The following MAML2 variants were observed in gnomAD, a reference collection of about 807,000 sequenced individuals.
MAML2 encodes mastermind-like protein 2.
MAML2 carries 22 observed loss-of-function variants against 96.1 expected under a neutral mutation model. The observed-to-expected ratio is 0.23, with a 90% confidence interval of 0.16 to 0.33. MAML2 has a LOEUF of 0.33. Among genes scored for constraint, MAML2 ranks in the 10% least tolerant of loss-of-function variants. MAML2 has a pLI of 1.00. For missense variants in MAML2, 1,367 were observed against 1,392.4 expected (o/e 0.98, Z 0.29); for synonymous variants, 561 against 521.3 (o/e 1.08, Z -1.04).
At chr11:96,010,908 AG>A (rs900680076) in intron 2 of MAML2, among the ~76,000 whole-genome samples, 5 of 152,344 alleles carry the variant, frequency 3.3e-5, no homozygotes, top group South Asian at 2.1e-4. Flanking sequence ...GAGTTTTATA[AG>A]GTCACTTTAA....
intron 1 of MAML2, among the ~76,000 whole-genome samples, chr11:96,243,655 CTTTTTT>C (rs11394033): frequency 7.4e-6 from 1 of 135,692 alleles, no homozygotes; most frequent in East Asian, 2.2e-4. Flanking sequence ...CCTTCTTTTT[CTTTTTT>C]TTTTTTTTTT....
intron 1 of MAML2, among the ~76,000 whole-genome samples, chr11:96,117,881 A>G (rs185417735): frequency 6.6e-6 from 1 of 152,306 alleles, no homozygotes; most frequent in Non-Finnish European, 1.5e-5. Flanking sequence ...GGTGACTCCA[A>G]ACTATCCCAG....
intron 1 of MAML2, among the ~76,000 whole-genome samples, chr11:96,117,886 T>A (rs934343772): frequency 6.6e-6 from 1 of 152,192 alleles, no homozygotes; most frequent in Non-Finnish European, 1.5e-5. Context: ...CTCCAAACTA[T>A]CCCAGAAAGA....
intron 2 of MAML2, among the ~76,000 whole-genome samples, chr11:96,061,148 G>T (rs1245423212): frequency 6.6e-6 from 1 of 152,212 alleles, no homozygotes; most frequent in South Asian, 2.1e-4. Flanking sequence ...TCTCCTTAAG[G>T]AACTTCTCTG....
intron 1 of MAML2, among the ~76,000 whole-genome samples, chr11:96,311,560 T>C (rs1037619447): frequency 2.6e-5 from 4 of 152,334 alleles, no homozygotes; most frequent in African/African-American, 9.6e-5. Context: ...TTCTCATAGC[T>C]GAGGCCAGCA....
At chr11:96,230,301 TTA>T (rs1486475712) in intron 1 of MAML2, among the ~76,000 whole-genome samples, 10 of 152,246 alleles carry the variant, frequency 6.6e-5, no homozygotes, top group East Asian at 1.9e-4. Flanking sequence ...TTTCAAAGAT[TTA>T]TATGTTTTGC....
At chr11:96,126,547 G>GC (rs1176877968) in intron 1 of MAML2, among the ~76,000 whole-genome samples, 1 of 152,174 alleles carries the variant, frequency 6.6e-6, no homozygotes, top group African/African-American at 2.4e-5. Flanking sequence ...GGGCAACAGA[G>GC]CGAGACTCCA....
At chr11:96,176,775 T>G (rs1861393931) in intron 1 of MAML2, among the ~76,000 whole-genome samples, 1 of 152,156 alleles carries the variant, frequency 6.6e-6, no homozygotes, top group South Asian at 2.1e-4. Context: ...GAGGGCTGGA[T>G]GAATGTCAGG....
At chr11:96,147,327 T>G (rs1366338317) in intron 1 of MAML2, among the ~76,000 whole-genome samples, 2 of 152,230 alleles carry the variant, frequency 1.3e-5, no homozygotes, top group African/African-American at 4.8e-5. Context: ...GACTGTAATA[T>G]GGATACATAA....
chr11:96,322,407 G>T (rs1863715738), intron 1 of MAML2, among the ~76,000 whole-genome samples: 1 of 152,164 alleles, frequency 6.6e-6, no homozygotes, highest in Non-Finnish European at 1.5e-5. Flanking sequence ...TTTTAGAAAA[G>T]AAGAAAATGG....
intron 1 of MAML2, among the ~76,000 whole-genome samples, chr11:96,219,902 G>T (rs1381788591): frequency 6.6e-6 from 1 of 152,120 alleles, no homozygotes; most frequent in African/African-American, 2.4e-5. Context: ...GAGATTACAG[G>T]TGTGAGCCAA....
At chr11:96,139,787 G>A (rs1860703096) in intron 1 of MAML2, among the ~76,000 whole-genome samples, 1 of 152,006 alleles carries the variant, frequency 6.6e-6, no homozygotes, top group Non-Finnish European at 1.5e-5. Flanking sequence ...TGATGGCAAA[G>A]ACCAAAATAA....
chr11:96,036,196 G>A (rs545931821), intron 2 of MAML2, among the ~76,000 whole-genome samples: 1 of 152,142 alleles, frequency 6.6e-6, no homozygotes, highest in East Asian at 1.9e-4. Flanking sequence ...CTCATCTAAT[G>A]AGTGGCTTAA....
rs572287957 is a variant in MAML2 at position 96,093,442 on chromosome 11, C to T, written c.589G>A (p.Asp197Asn). Residue 197 changes from aspartate to asparagine, a missense_variant, in exon 2 of 5, where the codon GAC becomes AAC. Physicochemically the swap from Asp to Asn is conservative, Grantham distance 23. Transcript: ENST00000524717. Reference protein sequence around the residue: ...ANSKRPNGFVDNSFLDIKRIR... With the variant: ...ANSKRPNGFVNNSFLDIKRIR... ...CTTTTGATATCAAGAAATGAGTTGT[C>T]CACAAAGCCATTGGGTCGCTTGCTG... The T allele has an allele frequency of 1.4e-5, 22 of 1,613,994 alleles. No homozygotes were observed. In the East Asian group the frequency reaches 3.1e-4, roughly 23 times the overall value.
At chr11:96,037,267 C>T (rs1454196486) in intron 2 of MAML2, among the ~76,000 whole-genome samples, 3 of 152,086 alleles carry the variant, frequency 2.0e-5, no homozygotes, top group Admixed American at 6.5e-5. Flanking sequence ...TGCTAAATGA[C>T]GTGCCCACAA....
chr11:96,299,056 A>ATATATATATAT (rs1191083053), intron 1 of MAML2, among the ~76,000 whole-genome samples: 1,987 of 48,592 alleles, frequency 0.041, 17 homozygotes, highest in East Asian at 0.13. Flanking sequence ...AAAAAAAAAA[A>ATATATATATAT]AAAAATATAT....
chr11:96,187,353 G>A (rs1184971910), intron 1 of MAML2, among the ~76,000 whole-genome samples: 1 of 152,184 alleles, frequency 6.6e-6, no homozygotes, highest in Non-Finnish European at 1.5e-5. Context: ...TTGACACTTA[G>A]TAGGTATTCT....
chr11:96,024,516 G>A (rs1858485025), intron 2 of MAML2, among the ~76,000 whole-genome samples: 1 of 152,226 alleles, frequency 6.6e-6, no homozygotes. Context: ...TAAGCGTGCA[G>A]ACATGCACTC....
chr11:96,249,965 A>G (rs1862559658), intron 1 of MAML2, among the ~76,000 whole-genome samples: 1 of 152,228 alleles, frequency 6.6e-6, no homozygotes, highest in South Asian at 2.1e-4. Context: ...CTCATCTCCC[A>G]TCACTCCCAC....
Sources: gnomAD v4.1 joint callset for allele counts (sites outside exome capture counted in the v4.1 genomes callset) on GRCh38, gnomAD v4.1.1 for gene constraint, MANE v1.5 for transcripts, NCBI Gene and HGNC (gene_info 2026-07-23, HGNC 2026-07-21) for gene names.